The following MRTFB variants were observed in gnomAD, a reference collection of about 807,000 sequenced individuals.
The protein encoded by MRTFB is myocardin related transcription factor B.
In MRTFB, 29 loss-of-function variants were observed where a neutral mutation model predicts 104.2. The ratio of observed to expected loss-of-function variants is 0.28; its 90% CI spans 0.21 to 0.38. MRTFB has a LOEUF of 0.38. Among genes scored for constraint, MRTFB ranks in the 10% least tolerant of loss-of-function variants. The pLI, the probability that MRTFB is intolerant of heterozygous loss-of-function variation, is 1.00. For missense variants in MRTFB, 1,270 were observed against 1,341.6 expected (o/e 0.95, Z 0.83); for synonymous variants, 535 against 519.5 (o/e 1.03, Z -0.41).
At chr16:14,205,925 T>A (rs1378297996) in intron 3 of MRTFB, among the ~76,000 whole-genome samples, 1 of 152,216 alleles carries the variant, frequency 6.6e-6, no homozygotes, top group African/African-American at 2.4e-5. Context: ...CCAGACTGCC[T>A]CTGCTGCAGG....
chr16:14,020,123 C>CA, the MRTFB span, among the ~76,000 whole-genome samples: 735 of 152,238 alleles, frequency 4.8e-3, 17 homozygotes, highest in East Asian at 0.077. Flanking sequence ...TTGACACCCA[C>CA]TGACTGGGTA....
At chr16:14,082,655 C>A (rs2034477857) in intron 2 of MRTFB, among the ~76,000 whole-genome samples, 1 of 152,082 alleles carries the variant, frequency 6.6e-6, no homozygotes, top group Non-Finnish European at 1.5e-5. Flanking sequence ...TCATTTGTAC[C>A]TGTAGTTCCA....
rs2040102568 is a variant in MRTFB at position 14,189,926 on chromosome 16, T to C, written c.155-20317T>C. On this transcript the variant is annotated intron_variant, in intron 3 of 16. Coordinates refer to ENST00000571589, the MANE Select transcript of MRTFB (RefSeq NM_001308142.2). ...AAATTATTATGAGGGGAAAACAGCC[T>C]TTATTAGCAAACGCTGTAGGATTCA... 3.3e-5 allele frequency among the ~76,000 whole-genome samples: 5 copies of C among 152,304 alleles called. 1 individual carries two copies. In the South Asian group the frequency reaches 8.3e-4, roughly 25 times the overall value.
In MRTFB at chr16:14,155,790, A is replaced by G. The variant is rs1242289439; in HGVS notation, c.154+15030A>G. On this transcript the variant is annotated intron_variant, in intron 3 of 16. Transcript: ENST00000571589. ...CTTGTATGCACTCTGGGAAGTATTT[A>G]GCTTATAGTCCCTGGTCATTTCTTG... 2.0e-5 allele frequency among the ~76,000 whole-genome samples: 3 copies of G among 152,252 alleles called. No individual in the cohort carries two copies. In the East Asian group the frequency reaches 5.8e-4, roughly 29 times the overall value.
the MRTFB span, among the ~76,000 whole-genome samples, chr16:14,016,852 C>T: frequency 6.6e-6 from 1 of 150,740 alleles, no homozygotes; most frequent in African/African-American, 2.4e-5. Context: ...TTGATTGGCT[C>T]CAGATGTGAA....
intron 3 of MRTFB, among the ~76,000 whole-genome samples, chr16:14,148,307 C>T (rs998895450): frequency 8.5e-5 from 13 of 152,088 alleles, no homozygotes; most frequent in African/African-American, 2.4e-4. Context: ...ATGTCTGCCA[C>T]GTAACTCAGT....
chr16:14,186,891 G>T (rs2039973049), intron 3 of MRTFB: 3 of 1,597,854 alleles, frequency 1.9e-6, no homozygotes, highest in South Asian at 1.1e-5. Context: ...GCTTGATGCT[G>T]CCTGTCTTCA....
the MRTFB span, among the ~76,000 whole-genome samples, chr16:14,010,745 G>T: frequency 6.6e-6 from 1 of 152,212 alleles, no homozygotes; most frequent in African/African-American, 2.4e-5. Flanking sequence ...GACCTCTAGA[G>T]TTGCCTTGTC....
At chr16:14,112,741 G>T (rs887334158) in intron 2 of MRTFB, among the ~76,000 whole-genome samples, 1 of 152,208 alleles carries the variant, frequency 6.6e-6, no homozygotes, top group African/African-American at 2.4e-5. Flanking sequence ...TGCCTTGGGG[G>T]CCGTTTGCAC....
At chr16:14,221,306 A>G (rs2041691532) in intron 8 of MRTFB, among the ~76,000 whole-genome samples, 1 of 152,246 alleles carries the variant, frequency 6.6e-6, no homozygotes, top group Admixed American at 6.5e-5. Context: ...TATAAAATAT[A>G]TTTATCTACC....
intron 3 of MRTFB, among the ~76,000 whole-genome samples, chr16:14,159,281 A>G (rs1243983838): frequency 1.3e-5 from 2 of 152,214 alleles, no homozygotes; most frequent in Non-Finnish European, 2.9e-5. Flanking sequence ...TAGAACACAG[A>G]GCTGTAGTCA....
chr16:14,121,033 T>C (rs1260788215), intron 2 of MRTFB, among the ~76,000 whole-genome samples: 1 of 152,202 alleles, frequency 6.6e-6, no homozygotes, highest in African/African-American at 2.4e-5. Context: ...CAGAAGTCTT[T>C]TTGATTAACT....
At chr16:14,234,357 CAA>C in intron 9 of MRTFB, 74 bp downstream of exon 9, 2 of 1,501,432 alleles carry the variant, frequency 1.3e-6, no homozygotes, top group Non-Finnish European at 1.8e-6. Flanking sequence ...GAATGGAAGA[CAA>C]AGGCATTTAT....
chr16:14,216,081 G>GAATCATTT (rs1567177674), intron 6 of MRTFB, among the ~76,000 whole-genome samples: 1 of 152,230 alleles, frequency 6.6e-6, no homozygotes, highest in African/African-American at 2.4e-5. Flanking sequence ...CAACAGATAT[G>GAATCATTT]AATCATTTTG....
intron 2 of MRTFB, among the ~76,000 whole-genome samples, chr16:14,132,712 A>G (rs2037500004): frequency 6.6e-6 from 1 of 152,194 alleles, no homozygotes; most frequent in Admixed American, 6.5e-5. Context: ...GAATTAACGT[A>G]TTTTTTAAAA....
chr16:14,207,328 T>G (rs1414281487), intron 3 of MRTFB, among the ~76,000 whole-genome samples: 1 of 152,182 alleles, frequency 6.6e-6, no homozygotes, highest in African/African-American at 2.4e-5. Context: ...ACACAAATGT[T>G]TGTGTGTGTT....
At chr16:14,222,604 AGGCAGGG>A (rs1325497874) in intron 8 of MRTFB, among the ~76,000 whole-genome samples, 1 of 151,466 alleles carries the variant, frequency 6.6e-6, no homozygotes, top group Non-Finnish European at 1.5e-5. Flanking sequence ...TTCCTGACTG[AGGCAGGG>A]GGCAGTGGCT....
chr16:14,044,120 T>G, the MRTFB span, among the ~76,000 whole-genome samples: 1 of 152,184 alleles, frequency 6.6e-6, no homozygotes, highest in East Asian at 1.9e-4. Flanking sequence ...CCGTAGTCCC[T>G]AGTAAAGGCC....
At chr16:14,174,091 G>T (rs576094779) in intron 3 of MRTFB, among the ~76,000 whole-genome samples, 2 of 150,186 alleles carry the variant, frequency 1.3e-5, no homozygotes, top group East Asian at 2.0e-4. Flanking sequence ...AATTTTTTTT[G>T]AGGATTCTAT....
Sources: gnomAD v4.1 joint callset for allele counts (sites outside exome capture counted in the v4.1 genomes callset) on GRCh38, gnomAD v4.1.1 for gene constraint, MANE v1.5 for transcripts, NCBI Gene and HGNC (gene_info 2026-07-23, HGNC 2026-07-21) for gene names.